Variants in KLHL29 observed in about 807,000 individuals in gnomAD.
KLHL29 encodes kelch like family member 29, also known as kelch-like protein 29.
In KLHL29, 21 loss-of-function variants were observed where a neutral mutation model predicts 80.4. The observed-to-expected ratio is 0.26, with a 90% CI of 0.19 to 0.38. The LOEUF (loss-of-function observed/expected upper bound fraction) is 0.38, where lower values mean the gene tolerates loss of function less well. Among genes scored for constraint, KLHL29 ranks in the 10% least tolerant of loss-of-function variants. KLHL29 has a pLI of 1.00. For missense variants in KLHL29, 867 were observed against 1,223.9 expected (o/e 0.71, Z 4.35); for synonymous variants, 511 against 526.8 (o/e 0.97, Z 0.41).
chr2:23,589,774 A>T (rs1668210352), intron 3 of KLHL29, among the ~76,000 whole-genome samples: 1 of 152,132 alleles, frequency 6.6e-6, no homozygotes, highest in African/African-American at 2.4e-5. Flanking sequence ...TAAATCCAGC[A>T]CTCTGGTTAC....
intron 6 of KLHL29, chr2:23,691,472 T>C (rs905469422): frequency 3.3e-6 from 2 of 599,562 alleles, no homozygotes; most frequent in Non-Finnish European, 3.0e-6. Context: ...AGCAGGGTTT[T>C]CTGTTCTTTT....
At chr2:23,405,205 A>G (rs1177972579) in intron 1 of KLHL29, among the ~76,000 whole-genome samples, 1 of 152,194 alleles carries the variant, frequency 6.6e-6, no homozygotes, top group Non-Finnish European at 1.5e-5. Flanking sequence ...ATCCATACCA[A>G]TATTGTTTGG....
chr2:23,692,994 C>G (rs966789869), intron 7 of KLHL29, among the ~76,000 whole-genome samples: 1 of 152,168 alleles, frequency 6.6e-6, no homozygotes, highest in African/African-American at 2.4e-5. Context: ...GCAGGGCTCT[C>G]CTGCTCCATG....
intron 1 of KLHL29, among the ~76,000 whole-genome samples, chr2:23,426,446 T>C (rs377127990): frequency 1.4e-4 from 22 of 152,228 alleles, no homozygotes; most frequent in African/African-American, 5.1e-4. Flanking sequence ...AGGCCCCTCT[T>C]CCATCAGCTT....
intron 2 of KLHL29, among the ~76,000 whole-genome samples, chr2:23,487,110 G>A (rs989059083): frequency 6.6e-6 from 1 of 152,154 alleles, no homozygotes; most frequent in African/African-American, 2.4e-5. Context: ...CTCACTCTTA[G>A]CCAGGGTGTC....
At chr2:23,528,297 G>A (rs866200353) in intron 2 of KLHL29, among the ~76,000 whole-genome samples, 1 of 152,264 alleles carries the variant, frequency 6.6e-6, no homozygotes, top group Non-Finnish European at 1.5e-5. Flanking sequence ...TAACAATGAA[G>A]CCCTGGGCCG....
rs560541935 is a variant in KLHL29 at position 23,704,762 on chromosome 2, G to A, written c.2444+899G>A. Among the ~76,000 whole-genome samples, 155 of 152,094 alleles carry A rather than the reference G, an allele frequency of 1.0e-3. 1 individual carries two copies. The highest frequency in any genetic ancestry group is 1.5e-3 in the Non-Finnish European group (100 of 68,014). Reference sequence around the variant, plus strand: ...AGCCTGGGTGACAGGAAAAGACTCCGTCTCACAAAAAAGAAGGGGCCTCAG... The same window carrying A: ...AGCCTGGGTGACAGGAAAAGACTCCATCTCACAAAAAAGAAGGGGCCTCAG... On this transcript the variant is annotated intron_variant, in intron 13 of 13. Transcript: ENST00000486442.
chr2:23,638,894 G>A (rs2149155966), intron 3 of KLHL29, among the ~76,000 whole-genome samples: 1 of 152,306 alleles, frequency 6.6e-6, no homozygotes, highest in East Asian at 1.9e-4. Context: ...GGAGGCACTG[G>A]CTTGGATGTT....
chr2:23,456,606 C>T (rs186532836), intron 1 of KLHL29, among the ~76,000 whole-genome samples: 14 of 152,366 alleles, frequency 9.2e-5, no homozygotes, highest in South Asian at 8.3e-4. Flanking sequence ...GCCAGCTCTG[C>T]GGGGTTCTGG....
intron 1 of KLHL29, among the ~76,000 whole-genome samples, chr2:23,436,515 A>G (rs191021011): frequency 6.6e-6 from 1 of 151,412 alleles, no homozygotes; most frequent in East Asian, 2.0e-4. Context: ...CTGTGGGTTT[A>G]GGCACCGAGA....
chr2:23,650,901 C>T (rs765730214), intron 5 of KLHL29, among the ~76,000 whole-genome samples: 13 of 151,906 alleles, frequency 8.6e-5, no homozygotes, highest in Admixed American at 2.0e-4. Flanking sequence ...GTATGTGTGC[C>T]GCTTGTCCCC....
rs145700253 is a variant in KLHL29, at chr2:23,608,573, T to C, written c.286-30566T>C. On this transcript the variant is annotated intron_variant, in intron 3 of 13. Transcript: ENST00000486442. ...AAATACACACCTCACATTTACTCTG[T>C]TAAATTCTTCCTTTAATTGAAATGC... is the stretch of plus-strand genomic sequence containing the variant. Among the ~76,000 whole-genome samples the C allele has an allele frequency of 2.3e-3, 358 of 152,348 alleles. 1 individual carries two copies. Among genetic ancestry groups the C allele is most frequent in the African/African-American group, 8.2e-3 (340 of 41,574 alleles).
At chr2:23,615,054 C>CT (rs1558409230) in intron 3 of KLHL29, among the ~76,000 whole-genome samples, 1 of 152,208 alleles carries the variant, frequency 6.6e-6, no homozygotes, top group African/African-American at 2.4e-5. Context: ...CTAGAACCTG[C>CT]GCTTCCTTTC....
At chr2:23,644,225 A>G (rs1669857248) in intron 5 of KLHL29, 1 of 152,064 alleles carries the variant, frequency 6.6e-6, no homozygotes, top group Non-Finnish European at 1.5e-5. Context: ...AAAAATGACT[A>G]AATTGATTTT....
At chr2:23,676,792 G>GA (rs1444011530) in intron 5 of KLHL29, among the ~76,000 whole-genome samples, 2 of 152,202 alleles carry the variant, frequency 1.3e-5, no homozygotes, top group East Asian at 3.8e-4. Flanking sequence ...GAACATGATA[G>GA]AATATGAAGC....
intron 2 of KLHL29, among the ~76,000 whole-genome samples, chr2:23,548,579 C>T (rs913095769): frequency 5.3e-5 from 8 of 152,182 alleles, no homozygotes; most frequent in East Asian, 3.9e-4. Flanking sequence ...GTGTGCGATG[C>T]GCCAACCCAT....
At chr2:23,437,927 T>G (rs1663392264) in intron 1 of KLHL29, among the ~76,000 whole-genome samples, 1 of 151,976 alleles carries the variant, frequency 6.6e-6, no homozygotes, top group African/African-American at 2.4e-5. Flanking sequence ...CAATATTGAT[T>G]CTTCCTACCC....
chr2:23,570,974 G>C (rs1310012121), intron 3 of KLHL29, among the ~76,000 whole-genome samples: 1 of 152,174 alleles, frequency 6.6e-6, no homozygotes, highest in African/African-American at 2.4e-5. Context: ...GTCCAGAGTG[G>C]ATCTGCCCAG....
At chr2:23,689,253 G>C (rs1247763004) in intron 6 of KLHL29, 1 of 152,266 alleles carries the variant, frequency 6.6e-6, no homozygotes. Flanking sequence ...AGGAGGAACA[G>C]AGCCACAGCC....
Sources: allele counts gnomAD v4.1 joint callset (sites outside exome capture counted in the v4.1 genomes callset), GRCh38; gene constraint gnomAD v4.1.1; transcripts MANE v1.5; gene names NCBI Gene and HGNC (gene_info 2026-07-23, HGNC 2026-07-21).